Variants in DCBLD1 observed in about 807,000 individuals in gnomAD.
DCBLD1 encodes discoidin, CUB and LCCL domain containing 1.
A neutral mutation model predicts 71.5 loss-of-function variants in DCBLD1; 57 were observed. That is an observed-to-expected ratio of 0.80 (90% CI 0.64 to 0.99). DCBLD1 has a LOEUF of 0.99. DCBLD1 is among the 50% of genes least tolerant of loss of function. The pLI, the probability that DCBLD1 is intolerant of heterozygous loss-of-function variation, is 0.00. For missense variants in DCBLD1, 891 were observed against 923.5 expected (o/e 0.96, Z 0.46); for synonymous variants, 380 against 363.8 (o/e 1.04, Z -0.51).
intron 2 of DCBLD1, chr6:117,508,066 G>A (rs1480482676): frequency 2.0e-5 from 3 of 152,092 alleles, no homozygotes; most frequent in Non-Finnish European, 4.4e-5. Context: ...TCTTCAAAGA[G>A]GCCCATGTAA....
chr6:117,504,972 T>C (rs1777790807), intron 2 of DCBLD1, among the ~76,000 whole-genome samples: 1 of 152,214 alleles, frequency 6.6e-6, no homozygotes, highest in Admixed American at 6.5e-5. Context: ...CCAGAGTTGC[T>C]TCCTCATTCC....
chr6:117,503,728 C>A, intron 1 of DCBLD1, 39 bp from the exon 2 acceptor site: 1 of 1,594,428 alleles, frequency 6.3e-7, no homozygotes, highest in Non-Finnish European at 8.6e-7. Context: ...AATTAATGAC[C>A]CCTTCTTCTT....
intron 1 of DCBLD1, among the ~76,000 whole-genome samples, chr6:117,493,646 C>G (rs895433217): frequency 1.3e-5 from 2 of 152,122 alleles, no homozygotes; most frequent in Non-Finnish European, 2.9e-5. Context: ...ATATCGCTAC[C>G]TCAGTTTTGT....
intron 14 of DCBLD1, chr6:117,563,158 A>G: frequency 1.7e-6 from 2 of 1,159,934 alleles, no homozygotes; most frequent in Non-Finnish European, 2.5e-6. Flanking sequence ...GGCAACAAAC[A>G]GCCTCCCCTG....
In DCBLD1 at chr6:117,520,479, C is replaced by G. The variant is rs150209635; in HGVS notation, c.460+529C>G. Among the ~76,000 whole-genome samples, 680 of 152,298 alleles carry G rather than the reference C, an allele frequency of 4.5e-3. 10 individuals carry two copies. Among genetic ancestry groups the G allele is most frequent in the Admixed American group, 0.035 (532 of 15,298 alleles). On this transcript the variant is annotated intron_variant, in intron 3 of 14. Transcript: ENST00000338728. ...CTTCACTATTCTCTGGAGCCCTCCC[C>G]CATCCTCCTCCCTAGCTCAGGGGCA...
intron 11 of DCBLD1, among the ~76,000 whole-genome samples, chr6:117,542,343 T>C (rs1413572164): frequency 1.3e-5 from 2 of 152,036 alleles, no homozygotes; most frequent in Non-Finnish European, 2.9e-5. Context: ...CTGTTACTTA[T>C]ACACAAATTT....
At chr6:117,536,336 C>G (rs1014914219) in intron 6 of DCBLD1, among the ~76,000 whole-genome samples, 1 of 152,134 alleles carries the variant, frequency 6.6e-6, no homozygotes, top group Non-Finnish European at 1.5e-5. Flanking sequence ...GTTGAGGCCC[C>G]CAGATTTTCC....
intron 2 of DCBLD1, among the ~76,000 whole-genome samples, chr6:117,516,750 A>G (rs185754592): frequency 6.6e-6 from 1 of 152,342 alleles, no homozygotes; most frequent in East Asian, 1.9e-4. Flanking sequence ...GGTGGAAGGC[A>G]AAAGGCACGT....
At chr6:117,492,818 A>C (rs1275900213) in intron 1 of DCBLD1, among the ~76,000 whole-genome samples, 1 of 152,106 alleles carries the variant, frequency 6.6e-6, no homozygotes, top group East Asian at 1.9e-4. Context: ...GAGATTTGCT[A>C]TTTTCTTGTC....
intron 1 of DCBLD1, among the ~76,000 whole-genome samples, chr6:117,496,684 T>C (rs1347235719): frequency 6.6e-6 from 1 of 152,224 alleles, no homozygotes; most frequent in African/African-American, 2.4e-5. Flanking sequence ...ACTAATGAAA[T>C]CATGTTTTTA....
intron 14 of DCBLD1, chr6:117,561,668 A>G: frequency 4.9e-6 from 1 of 203,542 alleles, no homozygotes; most frequent in East Asian, 7.6e-5. Context: ...ATTAAATACT[A>G]GCTTTTGCTC....
At chr6:117,487,981 T>C (rs137969738) in intron 1 of DCBLD1, among the ~76,000 whole-genome samples, 4 of 152,310 alleles carry the variant, frequency 2.6e-5, no homozygotes, top group Middle Eastern at 6.8e-3. Context: ...TGTGATGACT[T>C]CTTACCCGAT....
chr6:117,524,892 A>G (rs1173322473), intron 4 of DCBLD1, among the ~76,000 whole-genome samples: 2 of 152,208 alleles, frequency 1.3e-5, no homozygotes, highest in East Asian at 3.8e-4. Context: ...TATTATGGCA[A>G]TATTACAGTA....
chr6:117,510,603 T>G (rs1009198549), intron 2 of DCBLD1, among the ~76,000 whole-genome samples: 1 of 152,216 alleles, frequency 6.6e-6, no homozygotes, highest in African/African-American at 2.4e-5. Flanking sequence ...CACCTAATAT[T>G]TAGCATCGTC....
Position 117,540,901 on chromosome 6 carries a change from C to G in DCBLD1, c.1250-17C>G, listed in dbSNP as rs776136323. On this transcript the variant is annotated splice_polypyrimidine_tract_variant and intron_variant, in intron 10 of 14. Coordinates refer to ENST00000338728, the MANE Select transcript of DCBLD1 (RefSeq NM_001366458.2). ...ATTGTTACTCATGTGGTTTTCCCGA[C>G]ATCCCTCCTCTCTCAGGTAATGATT... The G allele has an allele frequency of 6.2e-7, 1 of 1,613,948 alleles. No individual in the cohort carries two copies. Among genetic ancestry groups the G allele is most frequent in the African/African-American group, 1.3e-5 (1 of 75,032 alleles).
chr6:117,509,056 C>T (rs940334066), intron 2 of DCBLD1, among the ~76,000 whole-genome samples: 25 of 152,204 alleles, frequency 1.6e-4, no homozygotes, highest in Admixed American at 1.4e-3. Flanking sequence ...TGAGCCACCG[C>T]GCCTGGCCCT....
intron 14 of DCBLD1, among the ~76,000 whole-genome samples, chr6:117,565,841 T>TA (rs1009856762): frequency 9.2e-5 from 14 of 152,154 alleles, no homozygotes; most frequent in African/African-American, 3.4e-4. Flanking sequence ...TTCATTCAAG[T>TA]AAAAATTGTC....
intron 5 of DCBLD1, among the ~76,000 whole-genome samples, chr6:117,525,832 C>A (rs1433430924): frequency 3.3e-5 from 5 of 152,176 alleles, no homozygotes; most frequent in African/African-American, 1.2e-4. Flanking sequence ...GTGAAGCCAT[C>A]CACCCTGCTC....
At chr6:117,506,699 T>C (rs959786896) in intron 2 of DCBLD1, among the ~76,000 whole-genome samples, 5 of 152,200 alleles carry the variant, frequency 3.3e-5, no homozygotes, top group African/African-American at 1.2e-4. Flanking sequence ...CCCAGCTTCC[T>C]GGAAGGGTGG....
Sources: allele counts gnomAD v4.1 joint callset (sites outside exome capture counted in the v4.1 genomes callset), GRCh38; gene constraint gnomAD v4.1.1; transcripts MANE v1.5; gene names NCBI Gene and HGNC (gene_info 2026-07-23, HGNC 2026-07-21).